SPIDR: variants seen among roughly 807,000 people sequenced by gnomAD.
SPIDR encodes the protein DNA repair-scaffolding protein.
Under a neutral mutation model 104.6 loss-of-function variants are expected in SPIDR, and 93 were observed. That is an observed-to-expected ratio of 0.89 (90% CI 0.75 to 1.06). SPIDR has a LOEUF of 1.06. Ranked by LOEUF, SPIDR falls within the 50% of genes least tolerant of loss-of-function variation. The probability of loss-of-function intolerance (pLI) is 0.00; values close to 1 mark genes in which losing one functional copy is unlikely to be tolerated. For missense variants in SPIDR, 1,154 were observed against 1,111.2 expected, an observed-to-expected ratio of 1.04 and a Z score of -0.55; for synonymous variants, 431 against 416.9, an observed-to-expected ratio of 1.03 and a Z score of -0.41.
chr8:47,633,402 A>G (rs2067365470), intron 10 of SPIDR, among the ~76,000 whole-genome samples: 2 of 152,078 alleles, frequency 1.3e-5, no homozygotes, highest in South Asian at 4.1e-4. Flanking sequence ...TCTTCTTTAT[A>G]GGAGGGGGAT....
chr8:47,511,436 C>G, intron 8 of SPIDR: 8 of 794,358 alleles, frequency 1.0e-5, no homozygotes, highest in Non-Finnish European at 1.6e-5. Context: ...TCCTGATGTT[C>G]CTCCATATCC....
At chr8:47,367,839 TAGTTGGAGAAA>T (rs1359936802) in intron 5 of SPIDR, among the ~76,000 whole-genome samples, 2 of 152,148 alleles carry the variant, frequency 1.3e-5, no homozygotes, top group African/African-American at 4.8e-5. Context: ...TGTGAAATGC[TAGTTGGAGAAA>T]ATAAGCAGCT....
intron 8 of SPIDR, among the ~76,000 whole-genome samples, chr8:47,470,005 A>G (rs1159295010): frequency 1.3e-5 from 2 of 152,230 alleles, no homozygotes; most frequent in Non-Finnish European, 2.9e-5. Context: ...CTACAGATTC[A>G]GTGCAATCCC....
At chr8:47,444,977 G>A (rs1013584925) in intron 8 of SPIDR, among the ~76,000 whole-genome samples, 7 of 152,148 alleles carry the variant, frequency 4.6e-5, no homozygotes, top group African/African-American at 1.7e-4. Context: ...TCGCTTTTAG[G>A]AACTGTTTTA....
chr8:47,588,622 G>A (rs963498864), intron 8 of SPIDR, among the ~76,000 whole-genome samples: 5 of 152,126 alleles, frequency 3.3e-5, no homozygotes, highest in Non-Finnish European at 7.3e-5. Context: ...AAAGTTGTGA[G>A]GGAGGAAATT....
intron 5 of SPIDR, among the ~76,000 whole-genome samples, chr8:47,354,918 C>G (rs900722667): frequency 6.6e-6 from 1 of 152,128 alleles, no homozygotes; most frequent in Non-Finnish European, 1.5e-5. Flanking sequence ...GTTGGGATTA[C>G]AGGCATGAGC....
chr8:47,397,526 A>T (rs1271095906), intron 6 of SPIDR, among the ~76,000 whole-genome samples: 2 of 152,170 alleles, frequency 1.3e-5, no homozygotes, highest in African/African-American at 4.8e-5. Context: ...AGAAAGAAAG[A>T]GAACCTGTAG....
intron 10 of SPIDR, among the ~76,000 whole-genome samples, chr8:47,622,442 A>G (rs1479855883): frequency 6.6e-6 from 1 of 152,076 alleles, no homozygotes; most frequent in African/African-American, 2.4e-5. Context: ...GATTAGAGGT[A>G]AGACTCGGCC....
chr8:47,540,886 G>A lies in SPIDR; in HGVS notation c.1098-54925G>A, dbSNP rs144456145. Among the ~76,000 whole-genome samples the A allele has an allele frequency of 1.4e-3, 211 of 152,200 alleles. 3 individuals are homozygous for A. In the East Asian group the frequency reaches 0.02, roughly 15 times the overall value. On this transcript the variant is annotated intron_variant, in intron 8 of 19. Coordinates refer to ENST00000297423, the MANE Select transcript of SPIDR (RefSeq NM_001080394.4). ...TTTAATTAACACTCTTGTTTTGAGC[G>A]TCTCACTCTGTTGCCTAGGCTGGAG...
rs2084397758 is a variant in SPIDR at position 47,727,298 on chromosome 8, G to A, written c.2435+5G>A. The A allele has an allele frequency of 6.2e-7, 1 of 1,613,684 alleles. No individual in the cohort carries two copies. Among genetic ancestry groups the A allele is most frequent in the African/African-American group, 1.3e-5 (1 of 75,060 alleles). On this transcript the variant is annotated splice_donor_5th_base_variant and intron_variant, in intron 17 of 19. Transcript: ENST00000297423. ...GGAACAGAGGCCGGAAGACAGGTAA[G>A]GGGACAGGAGCTGTCCTGAAAGCCC...
rs372967692 is a variant in SPIDR at position 47,501,957 on chromosome 8, T to C, written c.1097+61415T>C. Among the ~76,000 whole-genome samples, 27 of 152,302 alleles carry C rather than the reference T, an allele frequency of 1.8e-4. No homozygotes were observed. In the South Asian group the frequency reaches 3.5e-3, roughly 20 times the overall value. ...ATGCTGGATTATGTTTATTGATTTG[T>C]GTATGTTGAACCAGCCTTGCATCCC... On this transcript the variant is annotated intron_variant, in intron 8 of 19. Transcript: ENST00000297423.
chr8:47,626,190 G>C (rs1274293293), intron 10 of SPIDR, among the ~76,000 whole-genome samples: 1 of 151,952 alleles, frequency 6.6e-6, no homozygotes, highest in Non-Finnish European at 1.5e-5. Context: ...GCCATATGTA[G>C]AAAGCTGAAA....
intron 11 of SPIDR, among the ~76,000 whole-genome samples, chr8:47,692,284 C>G (rs1304502846): frequency 6.6e-6 from 1 of 152,054 alleles, no homozygotes; most frequent in Non-Finnish European, 1.5e-5. Context: ...ATTTTCATCA[C>G]CTCAGAAAGA....
intron 14 of SPIDR, among the ~76,000 whole-genome samples, chr8:47,708,525 C>G (rs943223525): frequency 1.3e-5 from 2 of 152,114 alleles, no homozygotes; most frequent in South Asian, 4.2e-4. Flanking sequence ...ATTGACACAT[C>G]GTACTCACCC....
chr8:47,615,327 T>G (rs2064142588), intron 10 of SPIDR, among the ~76,000 whole-genome samples: 1 of 152,166 alleles, frequency 6.6e-6, no homozygotes, highest in African/African-American at 2.4e-5. Context: ...TCATGAAGAT[T>G]TACTCCTGTG....
intron 5 of SPIDR, among the ~76,000 whole-genome samples, chr8:47,382,079 T>C (rs1188165928): frequency 2.6e-5 from 4 of 152,228 alleles, no homozygotes; most frequent in Non-Finnish European, 4.4e-5. Context: ...AAGAATGGTG[T>C]TTCATCTGGC....
At chr8:47,287,349 A>G (rs898878348) in intron 3 of SPIDR, among the ~76,000 whole-genome samples, 21 of 151,236 alleles carry the variant, frequency 1.4e-4, no homozygotes, top group Non-Finnish European at 2.6e-4. Context: ...AGCTGTGCAC[A>G]TATTGTCTTG....
At chr8:47,614,161 G>A (rs1037427439) in intron 10 of SPIDR, among the ~76,000 whole-genome samples, 1 of 151,830 alleles carries the variant, frequency 6.6e-6, no homozygotes, top group Non-Finnish European at 1.5e-5. Flanking sequence ...GGGGATAACG[G>A]CTCCCAGCTC....
chr8:47,727,939 A>T (rs2084532832), intron 17 of SPIDR, among the ~76,000 whole-genome samples: 1 of 151,902 alleles, frequency 6.6e-6, no homozygotes, highest in Non-Finnish European at 1.5e-5. Flanking sequence ...CAACATGGCA[A>T]AACCCAGTCT....
Sources: gnomAD v4.1 joint callset for allele counts (sites outside exome capture counted in the v4.1 genomes callset) on GRCh38, gnomAD v4.1.1 for gene constraint, MANE v1.5 for transcripts, NCBI Gene and HGNC (gene_info 2026-07-23, HGNC 2026-07-21) for gene names.